The following OLA1 variants were observed in gnomAD, a reference collection of about 807,000 sequenced individuals.
The protein encoded by OLA1 is obg-like ATPase 1.
A neutral mutation model predicts 48.4 loss-of-function variants in OLA1; 14 were observed. The ratio of observed to expected loss-of-function variants is 0.29; its 90% confidence interval spans 0.19 to 0.45. OLA1 has a LOEUF of 0.45. Ranked by LOEUF, OLA1 falls within the 20% of genes least tolerant of loss-of-function variation. The pLI, the probability that OLA1 is intolerant of heterozygous loss-of-function variation, is 1.00. For synonymous variants in OLA1, 127 were observed against 150.4 expected (o/e 0.84, Z 1.14); for missense variants, 325 against 467.1 (o/e 0.70, Z 2.80).
At chr2:174,096,960 A>G (rs1340539485) in intron 7 of OLA1, among the ~76,000 whole-genome samples, 1 of 152,210 alleles carries the variant, frequency 6.6e-6, no homozygotes, top group Non-Finnish European at 1.5e-5. Flanking sequence ...GTTCGAGACC[A>G]GCCTGGCCAA....
chr2:174,203,692 G>T (rs1471997400), intron 4 of OLA1, among the ~76,000 whole-genome samples: 1 of 151,226 alleles, frequency 6.6e-6, no homozygotes, highest in East Asian at 1.9e-4. Context: ...CTCTAGATAG[G>T]GTAAATAGAT....
chr2:174,205,462 A>T lies in OLA1; in HGVS notation c.373+17571T>A, dbSNP rs962770198. Among the ~76,000 whole-genome samples, 39 of 152,246 alleles carry T rather than the reference A, an allele frequency of 2.6e-4. 1 individual carries two copies. Among genetic ancestry groups the T allele is most frequent in the African/African-American group, 8.7e-4 (36 of 41,464 alleles). On this transcript the variant is annotated intron_variant, in intron 4 of 10. Transcript: ENST00000284719. The stretch of plus-strand genomic sequence containing the variant: ...TAGTTTTTGATTCTACTCATCTGGC[A>T]ACCTGAAATGCAAGAGAAGACCTTC...
At chr2:174,161,582 TTTAGCCC>T (rs1389679963) in intron 4 of OLA1, among the ~76,000 whole-genome samples, 1 of 151,698 alleles carries the variant, frequency 6.6e-6, no homozygotes. Flanking sequence ...GGAGGACTGC[TTTAGCCC>T]AAGTGTTCGA....
At chr2:174,203,698 T>C (rs1372652828) in intron 4 of OLA1, among the ~76,000 whole-genome samples, 3 of 152,214 alleles carry the variant, frequency 2.0e-5, no homozygotes, top group Admixed American at 2.0e-4. Context: ...ATAGGGTAAA[T>C]AGATGCTTTG....
At chr2:174,162,673 T>G (rs577628195) in intron 4 of OLA1, among the ~76,000 whole-genome samples, 1 of 152,218 alleles carries the variant, frequency 6.6e-6, no homozygotes, top group Non-Finnish European at 1.5e-5. Context: ...AAAATACACA[T>G]AATTATTTTC....
intron 4 of OLA1, among the ~76,000 whole-genome samples, chr2:174,163,123 G>A (rs1328823308): frequency 1.3e-5 from 2 of 152,178 alleles, no homozygotes; most frequent in African/African-American, 4.8e-5. Flanking sequence ...CTTCTAGTGT[G>A]CAGATGATTC....
At chr2:174,185,072 C>T (rs1687624033) in intron 4 of OLA1, among the ~76,000 whole-genome samples, 2 of 152,098 alleles carry the variant, frequency 1.3e-5, no homozygotes, top group Non-Finnish European at 2.9e-5. Flanking sequence ...TGGAGCAGAT[C>T]CCCGTTCCTT....
rs1464511987 is a variant in OLA1 at position 174,074,719 on chromosome 2, C to T, written c.*707G>A. ...TTAATTTTTGAGACAGAATTTTCTT[C>T]TTTGTGGTCAGTCACCTATCTCATA... On this transcript the variant is annotated 3_prime_UTR_variant, in exon 11 of 11. Transcript: ENST00000284719. 1 of 152,388 alleles carries T rather than the reference C, an allele frequency of 6.6e-6. No individual in the cohort carries two copies. The highest frequency in any genetic ancestry group is 1.5e-5 in the Non-Finnish European group (1 of 68,012). 9.4% of individuals were successfully genotyped at this position (152,388 alleles called of 1,614,324 possible). A position where few individuals can be genotyped will look rare whatever the true frequency, so the allele number is the denominator to read the frequency against.
At chr2:174,242,234 G>A (rs766667725) in intron 2 of OLA1, among the ~76,000 whole-genome samples, 2 of 152,180 alleles carry the variant, frequency 1.3e-5, no homozygotes, top group Non-Finnish European at 2.9e-5. Flanking sequence ...CAAGGGTGTG[G>A]GGGATGGTTT....
chr2:174,193,476 T>C (rs1687818214), intron 4 of OLA1, among the ~76,000 whole-genome samples: 2 of 152,140 alleles, frequency 1.3e-5, no homozygotes, highest in South Asian at 2.1e-4. Context: ...TTTGTTGTTG[T>C]TGTTATTGGA....
chr2:174,190,197 G>A (rs923267424), intron 4 of OLA1, among the ~76,000 whole-genome samples: 1 of 152,074 alleles, frequency 6.6e-6, no homozygotes. Flanking sequence ...CGTGAGGAGG[G>A]ACATGGTAGA....
intron 4 of OLA1, among the ~76,000 whole-genome samples, chr2:174,163,703 A>C (rs1314052311): frequency 2.0e-5 from 1 of 49,740 alleles, no homozygotes; most frequent in Non-Finnish European, 3.5e-5. Flanking sequence ...AAATAAAATA[A>C]ATAAATAAAT....
chr2:174,126,807 T>C (rs76236688), intron 5 of OLA1, among the ~76,000 whole-genome samples: 348 of 152,336 alleles, frequency 2.3e-3, no homozygotes, highest in Non-Finnish European at 4.2e-3. Context: ...ATCTACAAAA[T>C]GGCAATATGT....
rs148569190 is a variant in OLA1, at chr2:174,109,072, T to C, written c.728+14108A>G. 4.9e-3 allele frequency among the ~76,000 whole-genome samples: 750 copies of C among 152,296 alleles called. 11 individuals carry two copies. Among genetic ancestry groups the C allele is most frequent in the African/African-American group, 0.016 (681 of 41,582 alleles). ...TAATGCAACAATTAGTAACCCTTGA[T>C]GTTAACAGGGCAGGGAAATAACTAT... On this transcript the variant is annotated intron_variant, in intron 7 of 10. Transcript: ENST00000284719.
At chr2:174,190,246 T>A (rs13008196) in intron 4 of OLA1, among the ~76,000 whole-genome samples, 19,176 of 152,242 alleles carry the variant, frequency 0.13, 1,439 homozygotes, top group East Asian at 0.21. Context: ...TATACCTTTA[T>A]GTCTGTTTTA....
chr2:174,126,679 A>G (rs1686051918), intron 5 of OLA1, among the ~76,000 whole-genome samples: 1 of 152,170 alleles, frequency 6.6e-6, no homozygotes, highest in Non-Finnish European at 1.5e-5. Context: ...GAGTGTTGTG[A>G]AGATTAAAAG....
chr2:174,092,889 C>T (rs1421131094), intron 7 of OLA1, among the ~76,000 whole-genome samples: 1 of 152,016 alleles, frequency 6.6e-6, no homozygotes, highest in Non-Finnish European at 1.5e-5. Context: ...TATTTTCATT[C>T]CCAGGTTATA....
chr2:174,090,613 G>C (rs927393764), intron 7 of OLA1, among the ~76,000 whole-genome samples: 1 of 152,154 alleles, frequency 6.6e-6, no homozygotes, highest in Non-Finnish European at 1.5e-5. Context: ...GAGGCTCTCT[G>C]GTGGAGACTA....
chr2:174,082,035 T>C lies in OLA1; in HGVS notation c.758A>G (p.Lys253Arg). 1 of 1,613,448 alleles carries C rather than the reference T, an allele frequency of 6.2e-7. No homozygotes were observed. Among genetic ancestry groups the C allele is most frequent in the South Asian group, 1.1e-5 (1 of 91,064 alleles). ...WLIKIKEWVD[K>R]YDPGALVIPF... ...AATGACCAAAGCACCTGGGTCATAC[T>C]TGTCCACCCACTCTTTAATTTTTAT... Residue 253 changes from lysine to arginine, a missense_variant, in exon 8 of 11, where the codon AAG becomes AGG. Lys to Arg is a conservative substitution (Grantham distance 26, BLOSUM62 2). Transcript: ENST00000284719.
Sources: gnomAD v4.1 joint callset for allele counts (sites outside exome capture counted in the v4.1 genomes callset) on GRCh38, gnomAD v4.1.1 for gene constraint, MANE v1.5 for transcripts, NCBI Gene and HGNC (gene_info 2026-07-23, HGNC 2026-07-21) for gene names.